The following TOGARAM1 variants were observed in gnomAD, a reference collection of about 807,000 sequenced individuals.
TOGARAM1 encodes the protein TOG array regulator of axonemal microtubules protein 1.
Under a neutral mutation model 166.6 loss-of-function variants are expected in TOGARAM1, and 100 were observed. The observed-to-expected ratio is 0.60, with a 90% CI of 0.51 to 0.71. TOGARAM1 has a LOEUF of 0.71. TOGARAM1 is among the 30% of genes least tolerant of loss of function. The pLI is 0.00. For synonymous variants in TOGARAM1, 758 were observed against 763.8 expected (o/e 0.99, Z 0.13); for missense variants, 2,029 against 2,102.7 (o/e 0.96, Z 0.69).
chr14:45,028,850 G>A (rs1881010956), intron 10 of TOGARAM1, among the ~76,000 whole-genome samples: 1 of 151,956 alleles, frequency 6.6e-6, no homozygotes. Context: ...TAAACATTAA[G>A]TATTATTGCT....
In TOGARAM1 at chr14:45,044,637, G is replaced by A. The variant is rs764961756; in HGVS notation, c.3921G>A (p.Val1307=). Residue 1307 remains valine (V), a splice_region_variant and synonymous_variant, in exon 13 of 20, where the codon GTG becomes GTA. Transcript: ENST00000361462. ...GTACATTTTGAATTTTTTTTTAGGT[G>A]AAAAATTTACGTTCTGGAGTTTCTC... ...HETNFAVVQE[V]KNLRSGVSRA... is the part of the protein sequence containing the mutation. 3 of 1,575,128 alleles carry A rather than the reference G, an allele frequency of 1.9e-6. No individual in the cohort carries two copies. Among genetic ancestry groups the A allele is most frequent in the South Asian group, 1.2e-5 (1 of 84,506 alleles).
At chr14:44,981,162 G>A (rs1886510078) in intron 1 of TOGARAM1, among the ~76,000 whole-genome samples, 3 of 152,162 alleles carry the variant, frequency 2.0e-5, no homozygotes, top group African/African-American at 7.2e-5. Flanking sequence ...TTTGGTGAAG[G>A]AAGATAGAAT....
intron 1 of TOGARAM1, among the ~76,000 whole-genome samples, chr14:44,969,282 G>A (rs1045291303): frequency 1.3e-5 from 2 of 151,196 alleles, no homozygotes; most frequent in African/African-American, 4.9e-5. Flanking sequence ...CTCCCAAGTA[G>A]CTGAGACTAC....
At chr14:45,017,435 G>A (rs1013297090) in intron 7 of TOGARAM1, among the ~76,000 whole-genome samples, 16 of 135,538 alleles carry the variant, frequency 1.2e-4, no homozygotes, top group African/African-American at 4.6e-4. Context: ...ACACACACAC[G>A]TTTTTAGAAG....
intron 6 of TOGARAM1, among the ~76,000 whole-genome samples, chr14:45,011,606 C>T (rs6572292): frequency 6.6e-6 from 1 of 152,040 alleles, no homozygotes; most frequent in Non-Finnish European, 1.5e-5. Flanking sequence ...TGAGTCACCA[C>T]ACTTGGCCTT....
At chr14:45,068,222 T>C (rs1883220982) in intron 17 of TOGARAM1, among the ~76,000 whole-genome samples, 1 of 152,136 alleles carries the variant, frequency 6.6e-6, no homozygotes, top group Non-Finnish European at 1.5e-5. Flanking sequence ...CCTTCTCTTT[T>C]TGTTACAAGA....
intron 7 of TOGARAM1, among the ~76,000 whole-genome samples, chr14:45,022,619 C>T (rs1235059813): frequency 6.6e-6 from 1 of 151,700 alleles, no homozygotes; most frequent in African/African-American, 2.4e-5. Context: ...GGTGGCTAGC[C>T]ATCCTGAGGG....
chr14:45,074,295 C>G lies in TOGARAM1; in HGVS notation c.*734C>G, dbSNP rs1038345242. 1.3e-5 allele frequency: 2 copies of G among 152,530 alleles called. No individual in the cohort carries two copies. The highest frequency in any genetic ancestry group is 2.4e-5 in the African/African-American group (1 of 41,418). 9.4% of individuals were successfully genotyped at this position (152,530 alleles called of 1,614,324 possible). A position where few individuals can be genotyped will look rare whatever the true frequency, so the allele number is the denominator to read the frequency against. ...TTTTGACCTTTATAAAGGTGTTATT[C>G]TGCTGCCCAGTTTTGTAATTCTCAA... On this transcript the variant is annotated 3_prime_UTR_variant, in exon 20 of 20. Coordinates refer to ENST00000361462, the MANE Select transcript of TOGARAM1 (RefSeq NM_001308120.2).
At chr14:45,054,737 C>T (rs886919485) in intron 16 of TOGARAM1, among the ~76,000 whole-genome samples, 188 bp downstream of exon 16, 1 of 152,118 alleles carries the variant, frequency 6.6e-6, no homozygotes, top group Admixed American at 6.6e-5. Context: ...CAGCAACTTG[C>T]TTTTATTTGC....
At chr14:45,036,217 C>T (rs1170294458) in intron 11 of TOGARAM1, among the ~76,000 whole-genome samples, 1 of 148,208 alleles carries the variant, frequency 6.7e-6, no homozygotes, top group Non-Finnish European at 1.5e-5. Flanking sequence ...GAAGACATGG[C>T]AGTATTGCTT....
At chr14:45,026,022 A>G in intron 8 of TOGARAM1, 150 bp downstream of exon 8, 2 of 508,570 alleles carry the variant, frequency 3.9e-6, no homozygotes, top group South Asian at 3.1e-5. Context: ...AAATAATTAG[A>G]AGTGAATACT....
intron 19 of TOGARAM1, among the ~76,000 whole-genome samples, chr14:45,072,268 A>G (rs979569928): frequency 4.6e-5 from 7 of 152,164 alleles, no homozygotes; most frequent in Non-Finnish European, 5.9e-5. Context: ...ATTTGTTCCT[A>G]TGACTTATCT....
At chr14:44,988,309 A>C (rs1254250090) in intron 1 of TOGARAM1, among the ~76,000 whole-genome samples, 1 of 152,202 alleles carries the variant, frequency 6.6e-6, no homozygotes, top group Non-Finnish European at 1.5e-5. Flanking sequence ...ATAAGCACTT[A>C]ACGTATTAAT....
intron 3 of TOGARAM1, among the ~76,000 whole-genome samples, chr14:45,003,807 A>ATATGTATACATATACATGCATGT (rs375115435): frequency 8.5e-5 from 13 of 152,088 alleles, no homozygotes; most frequent in South Asian, 2.1e-4. Context: ...GTATGTATGT[A>ATATGTATACATATACATGCATGT]ATTGATAAAA....
At chr14:45,056,495 G>C (rs574875268) in intron 16 of TOGARAM1, among the ~76,000 whole-genome samples, 1 of 152,324 alleles carries the variant, frequency 6.6e-6, no homozygotes, top group South Asian at 2.1e-4. Context: ...GATGTTGGCT[G>C]TGGGTTTATT....
chr14:45,044,406 T>C (rs1881877259), intron 12 of TOGARAM1, among the ~76,000 whole-genome samples: 2 of 152,028 alleles, frequency 1.3e-5, no homozygotes, highest in Non-Finnish European at 2.9e-5. Context: ...CCAGGCATGG[T>C]GGTGTGCATC....
chr14:45,022,601 C>T (rs1880585372), intron 7 of TOGARAM1, among the ~76,000 whole-genome samples: 1 of 151,584 alleles, frequency 6.6e-6, no homozygotes, highest in Admixed American at 6.6e-5. Flanking sequence ...AAGTATTTTT[C>T]CTTCTTCGGT....
At chr14:44,975,592 G>A (rs192123455) in intron 1 of TOGARAM1, among the ~76,000 whole-genome samples, 36 of 151,902 alleles carry the variant, frequency 2.4e-4, no homozygotes, top group Middle Eastern at 3.4e-3. Context: ...TCAGCCTCCC[G>A]GATAACTGGG....
chr14:44,964,421 G>T lies in TOGARAM1; in HGVS notation c.2000G>T (p.Gly667Val), dbSNP rs749413570. ...TTACCATGGGAAAATGAGCAACCTG[G>T]AATCATGGGAGAAAACCAGACCTCC... Reference protein sequence around the residue: ...NKLPWENEQPGIMGENQTSTS... With the variant: ...NKLPWENEQPVIMGENQTSTS... Residue 667 changes from glycine to valine, a missense_variant, in exon 1 of 20, where the codon GGA (glycine) becomes GTA (valine). By Grantham distance (109) the Gly-to-Val change is moderately radical. Around this residue, in one of 2 missense-constraint regions of TOGARAM1, gnomAD observed 1,453 missense variants for 1,432.2 expected, o/e 1.01. Transcript: ENST00000361462. 1.9e-5 allele frequency: 31 copies of T among 1,606,154 alleles called. No individual in the cohort carries two copies. Among genetic ancestry groups the T allele is most frequent in the Non-Finnish European group, 2.6e-5 (30 of 1,175,654 alleles).
Sources: allele counts gnomAD v4.1 joint callset (sites outside exome capture counted in the v4.1 genomes callset), GRCh38; gene constraint gnomAD v4.1.1; regional missense constraint gnomAD v4.1.1; transcripts MANE v1.5; gene names NCBI Gene and HGNC (gene_info 2026-07-23, HGNC 2026-07-21).